NLK: variants seen among roughly 807,000 people sequenced by gnomAD.
The protein encoded by NLK is serine/threonine-protein kinase NLK.
Under a neutral mutation model 59.0 loss-of-function variants are expected in NLK, and 11 were observed. The observed-to-expected ratio is 0.19, with a 90% CI of 0.12 to 0.31. The LOEUF is 0.31. Among genes scored for constraint, NLK ranks in the 10% least tolerant of loss-of-function variants. NLK has a pLI of 1.00. For synonymous variants in NLK, 235 were observed against 235.9 expected (o/e 1.00, Z 0.03); for missense variants, 410 against 661.1 (o/e 0.62, Z 4.16).
intron 3 of NLK, among the ~76,000 whole-genome samples, chr17:28,149,103 C>T (rs1907374827): frequency 6.6e-6 from 1 of 152,136 alleles, no homozygotes; most frequent in South Asian, 2.1e-4. Context: ...TGCTCTGTCG[C>T]CAACGCTGGA....
chr17:28,056,243 T>G (rs190120689), intron 1 of NLK, among the ~76,000 whole-genome samples: 1 of 152,350 alleles, frequency 6.6e-6, no homozygotes, highest in East Asian at 1.9e-4. Context: ...TTTGAGGGCT[T>G]TTTCATTCTC....
At chr17:28,056,907 T>G (rs1457011995) in intron 1 of NLK, among the ~76,000 whole-genome samples, 1 of 152,008 alleles carries the variant, frequency 6.6e-6, no homozygotes, top group Admixed American at 6.6e-5. Context: ...ACTCCTAGAT[T>G]TCTTCTCAAT....
chr17:28,150,257 TCTC>T (rs1456897156), intron 3 of NLK, among the ~76,000 whole-genome samples: 3 of 152,198 alleles, frequency 2.0e-5, no homozygotes, highest in Non-Finnish European at 4.4e-5. Flanking sequence ...CTCCTTTTCT[TCTC>T]CTCATAGCCC....
At chr17:28,096,470 A>G (rs1376904050) in intron 1 of NLK, among the ~76,000 whole-genome samples, 2 of 152,166 alleles carry the variant, frequency 1.3e-5, no homozygotes, top group Admixed American at 1.3e-4. Flanking sequence ...CTCCTACAAT[A>G]TAGTCTCAGA....
intron 8 of NLK, chr17:28,190,791 G>T: frequency 7.5e-6 from 3 of 399,632 alleles, no homozygotes. Context: ...TAGAAGAAAG[G>T]CACTTCTAAG....
At chr17:28,202,006 A>G in the NLK span, among the ~76,000 whole-genome samples, 1 of 151,972 alleles carries the variant, frequency 6.6e-6, no homozygotes, top group Non-Finnish European at 1.5e-5. Context: ...ACAGAGCGAG[A>G]CTCTGTCTCA....
At chr17:28,050,776 G>T (rs971165890) in intron 1 of NLK, among the ~76,000 whole-genome samples, 3 of 152,232 alleles carry the variant, frequency 2.0e-5, no homozygotes. Context: ...GCAGAAGATT[G>T]TTAGGAAAAT....
In NLK at chr17:28,148,884, A is replaced by G. The variant is rs1026265003; in HGVS notation, c.645-12276A>G. Among the ~76,000 whole-genome samples the G allele has an allele frequency of 5.9e-5, 9 of 152,190 alleles. 1 individual carries two copies. The highest frequency in any genetic ancestry group is 1.9e-4 in the African/African-American group (8 of 41,454). On this transcript the variant is annotated intron_variant, in intron 3 of 10. Transcript: ENST00000407008. ...GTTACTTCAGGTGTCTTTGGATTCA[A>G]TTTCTTCTGAAAGGAAAGACTAAAC...
chr17:28,129,692 TATATTC>T (rs1387925488), intron 2 of NLK, among the ~76,000 whole-genome samples: 1 of 152,104 alleles, frequency 6.6e-6, no homozygotes, highest in African/African-American at 2.4e-5. Flanking sequence ...CTGTGTTCCT[TATATTC>T]TTATTCTTAT....
intron 1 of NLK, among the ~76,000 whole-genome samples, chr17:28,104,992 C>A (rs576623903): frequency 6.6e-6 from 1 of 152,286 alleles, no homozygotes; most frequent in South Asian, 2.1e-4. Context: ...AGTTTTAGTT[C>A]TTTTTGACTC....
At chr17:28,107,811 G>C (rs972560790) in intron 1 of NLK, among the ~76,000 whole-genome samples, 1 of 152,104 alleles carries the variant, frequency 6.6e-6, no homozygotes, top group Admixed American at 6.5e-5. Context: ...GCACTGGAAG[G>C]ATACAAAGAG....
intron 7 of NLK, among the ~76,000 whole-genome samples, chr17:28,173,993 C>A (rs1308942749): frequency 6.6e-6 from 1 of 152,182 alleles, no homozygotes; most frequent in Non-Finnish European, 1.5e-5. Flanking sequence ...GTTAATTAAT[C>A]ATCTGTGTCA....
At chr17:28,121,951 G>A (rs1906081346) in intron 1 of NLK, among the ~76,000 whole-genome samples, 1 of 152,078 alleles carries the variant, frequency 6.6e-6, no homozygotes, top group Non-Finnish European at 1.5e-5. Flanking sequence ...AGGGAGTGGG[G>A]GGACACAGTT....
At chr17:28,096,209 A>C (rs927640808) in intron 1 of NLK, among the ~76,000 whole-genome samples, 7 of 152,152 alleles carry the variant, frequency 4.6e-5, no homozygotes, top group African/African-American at 1.7e-4. Context: ...GGCATCCTGG[A>C]CTTTCTACTG....
At chr17:28,047,302 T>C (rs919143400) in intron 1 of NLK, among the ~76,000 whole-genome samples, 1 of 152,224 alleles carries the variant, frequency 6.6e-6, no homozygotes. Context: ...GAAATCAGCA[T>C]GCAGACTATT....
chr17:28,087,093 A>G (rs1009750910), intron 1 of NLK, among the ~76,000 whole-genome samples: 1 of 151,968 alleles, frequency 6.6e-6, no homozygotes, highest in Non-Finnish European at 1.5e-5. Context: ...GGCAAACAAA[A>G]TAATTTTTAT....
intron 3 of NLK, among the ~76,000 whole-genome samples, chr17:28,151,489 GT>G (rs1329450312): frequency 1.3e-5 from 2 of 152,064 alleles, no homozygotes; most frequent in Non-Finnish European, 2.9e-5. Context: ...TAAACTAAAG[GT>G]TGACAAAACG....
At chr17:28,169,721 C>CTTTTTTTTTTTTTT (rs1193124964) in intron 6 of NLK, among the ~76,000 whole-genome samples, 9 of 111,604 alleles carry the variant, frequency 8.1e-5, no homozygotes, top group African/African-American at 3.1e-4. Context: ...GCTTCTTCTT[C>CTTTTTTTTTTTTTT]TTTTTTTTTT....
At chr17:28,049,047 A>T (rs1909158226) in intron 1 of NLK, 1 of 152,222 alleles carries the variant, frequency 6.6e-6, no homozygotes, top group Admixed American at 6.5e-5. Flanking sequence ...TGTCAGTGTG[A>T]TCCTGATATT....
Sources: gnomAD v4.1 joint callset for allele counts (sites outside exome capture counted in the v4.1 genomes callset) on GRCh38, gnomAD v4.1.1 for gene constraint, MANE v1.5 for transcripts, NCBI Gene and HGNC (gene_info 2026-07-23, HGNC 2026-07-21) for gene names.